The following GALNTL6 variants were observed in gnomAD, a reference collection of about 807,000 sequenced individuals.
GALNTL6 encodes the protein polypeptide N-acetylgalactosaminyltransferase-like 6.
GALNTL6 carries 46 observed loss-of-function variants against 73.7 expected under a neutral mutation model. That is an observed-to-expected ratio of 0.62 (90% CI 0.49 to 0.80). The LOEUF (loss-of-function observed/expected upper bound fraction) is 0.80, where lower values mean the gene tolerates loss of function less well. Ranked by LOEUF, GALNTL6 falls within the 30% of genes least tolerant of loss-of-function variation. The pLI is 0.00. For synonymous variants in GALNTL6, 259 were observed against 263.7 expected (o/e 0.98, Z 0.17); for missense variants, 604 against 755.0 (o/e 0.80, Z 2.34).
At chr4:171,957,979 A>AC (rs1739102858) in intron 2 of GALNTL6, among the ~76,000 whole-genome samples, 1 of 152,176 alleles carries the variant, frequency 6.6e-6, no homozygotes, top group South Asian at 2.1e-4. Flanking sequence ...TAAATAATGA[A>AC]CCTGCATGTA....
At chr4:172,014,456 A>G (rs1741122547) in intron 2 of GALNTL6, among the ~76,000 whole-genome samples, 1 of 151,614 alleles carries the variant, frequency 6.6e-6, no homozygotes, top group Non-Finnish European at 1.5e-5. Context: ...TTTGATTTGC[A>G]TTTCTTTGAT....
At chr4:172,224,605 A>T (rs1424353416) in intron 2 of GALNTL6, among the ~76,000 whole-genome samples, 1 of 152,138 alleles carries the variant, frequency 6.6e-6, no homozygotes, top group Non-Finnish European at 1.5e-5. Context: ...TTCACCAGGG[A>T]TTTCCAGACC....
intron 5 of GALNTL6, among the ~76,000 whole-genome samples, chr4:172,361,652 G>T (rs1271616245): frequency 2.0e-5 from 3 of 152,114 alleles, no homozygotes; most frequent in African/African-American, 7.2e-5. Flanking sequence ...TGCAAACGGG[G>T]TTAACCCCCT....
At chr4:172,860,774 A>C (rs1226670692) in intron 7 of GALNTL6, among the ~76,000 whole-genome samples, 2 of 152,320 alleles carry the variant, frequency 1.3e-5, no homozygotes, top group African/African-American at 4.8e-5. Flanking sequence ...AAACCAAATC[A>C]CATTAATGAT....
intron 11 of GALNTL6, among the ~76,000 whole-genome samples, chr4:173,020,132 T>C (rs1210699434): frequency 2.0e-5 from 3 of 152,236 alleles, no homozygotes; most frequent in Non-Finnish European, 4.4e-5. Context: ...ACAGGGCTCA[T>C]CTAGTCCATT....
rs183610720 is a variant in GALNTL6 at position 172,145,241 on chromosome 4, G to A, written c.139-84415G>A. 4.5e-3 allele frequency among the ~76,000 whole-genome samples: 681 copies of A among 152,072 alleles called. 6 individuals are homozygous for A. Among genetic ancestry groups the A allele is most frequent in the African/African-American group, 0.015 (612 of 41,460 alleles). ...TGCAAGCTCCACCTCCTGGGTTCAC[G>A]CCATTCTCCTGCCTCAGCCTCCCAG... On this transcript the variant is annotated intron_variant, in intron 2 of 12. Coordinates refer to ENST00000506823, the MANE Select transcript of GALNTL6 (RefSeq NM_001034845.3).
intron 5 of GALNTL6, among the ~76,000 whole-genome samples, chr4:172,411,094 G>T (rs1377592513): frequency 1.3e-5 from 2 of 151,972 alleles, no homozygotes; most frequent in South Asian, 2.1e-4. Context: ...ACAACTTTTT[G>T]ATTTTTTCTG....
At chr4:172,948,387 T>C (rs888362834) in intron 9 of GALNTL6, among the ~76,000 whole-genome samples, 1 of 152,166 alleles carries the variant, frequency 6.6e-6, no homozygotes, top group African/African-American at 2.4e-5. Flanking sequence ...TCCAACTGCT[T>C]GCTTTGGAGT....
intron 5 of GALNTL6, among the ~76,000 whole-genome samples, chr4:172,593,287 A>G (rs1737724125): frequency 6.6e-6 from 1 of 152,204 alleles, no homozygotes; most frequent in Non-Finnish European, 1.5e-5. Flanking sequence ...CAAATTTGTC[A>G]GCTCCATCAT....
intron 5 of GALNTL6, among the ~76,000 whole-genome samples, chr4:172,723,025 C>A (rs1735576464): frequency 1.3e-5 from 2 of 152,140 alleles, no homozygotes; most frequent in East Asian, 1.9e-4. Flanking sequence ...AATCCATTTT[C>A]TTGACTTTTC....
chr4:172,158,104 T>G (rs932969940), intron 2 of GALNTL6, among the ~76,000 whole-genome samples: 1 of 152,186 alleles, frequency 6.6e-6, no homozygotes, highest in African/African-American at 2.4e-5. Flanking sequence ...TGGCCAGATT[T>G]GATTCACCTC....
At chr4:172,110,784 A>G (rs1732828148) in intron 2 of GALNTL6, among the ~76,000 whole-genome samples, 1 of 152,102 alleles carries the variant, frequency 6.6e-6, no homozygotes, top group Non-Finnish European at 1.5e-5. Context: ...GCAGATTTGG[A>G]TGATACATTT....
intron 5 of GALNTL6, among the ~76,000 whole-genome samples, chr4:172,558,622 G>A (rs948983679): frequency 2.0e-5 from 3 of 152,058 alleles, no homozygotes; most frequent in Non-Finnish European, 4.4e-5. Flanking sequence ...AGAACTGTGA[G>A]GTAATACATT....
At chr4:172,807,864 C>G (rs1360407084) in intron 5 of GALNTL6, among the ~76,000 whole-genome samples, 1 of 152,100 alleles carries the variant, frequency 6.6e-6, no homozygotes, top group Non-Finnish European at 1.5e-5. Flanking sequence ...ACTCTATTGC[C>G]CAGGCTGGAG....
At chr4:172,167,224 G>T (rs1402873307) in intron 2 of GALNTL6, among the ~76,000 whole-genome samples, 1 of 152,148 alleles carries the variant, frequency 6.6e-6, no homozygotes, top group Non-Finnish European at 1.5e-5. Flanking sequence ...CTTCTTAGTT[G>T]ATTCTATATG....
chr4:172,154,644 T>A (rs1337454550), intron 2 of GALNTL6, among the ~76,000 whole-genome samples: 2 of 152,216 alleles, frequency 1.3e-5, no homozygotes, highest in Non-Finnish European at 2.9e-5. Context: ...AAAGCCATGG[T>A]ACATGAATAT....
At chr4:172,130,228 C>T (rs1313037522) in intron 2 of GALNTL6, among the ~76,000 whole-genome samples, 1 of 139,860 alleles carries the variant, frequency 7.2e-6, no homozygotes, top group Non-Finnish European at 1.5e-5. Flanking sequence ...TGGCCTTTGT[C>T]CAAGGTTGTG....
intron 5 of GALNTL6, among the ~76,000 whole-genome samples, chr4:172,354,244 T>C (rs333379): frequency 0.13 from 19,792 of 152,088 alleles, 1,295 homozygotes; most frequent in East Asian, 0.18. Flanking sequence ...TTGGAGTTAT[T>C]TAGATTTAAT....
intron 5 of GALNTL6, among the ~76,000 whole-genome samples, chr4:172,462,497 G>C (rs1732654443): frequency 6.6e-6 from 1 of 152,126 alleles, no homozygotes. Context: ...TCCAATCTTA[G>C]GAATCTTAGT....
Sources: gnomAD v4.1 joint callset for allele counts (sites outside exome capture counted in the v4.1 genomes callset) on GRCh38, gnomAD v4.1.1 for gene constraint, MANE v1.5 for transcripts, NCBI Gene and HGNC (gene_info 2026-07-23, HGNC 2026-07-21) for gene names.